Variants in FOXP2 observed in about 807,000 individuals in gnomAD.
FOXP2 encodes the protein forkhead box protein P2.
FOXP2 carries 12 observed loss-of-function variants against 115.8 expected under a neutral mutation model. The observed-to-expected ratio is 0.10, with a 90% CI of 0.07 to 0.17. The LOEUF is 0.17. FOXP2 is among the 10% of genes least tolerant of loss of function. The pLI is 1.00. For missense variants in FOXP2, 629 were observed against 843.5 expected, an observed-to-expected ratio of 0.75 and a Z score of 3.15; for synonymous variants, 328 against 297.7, an observed-to-expected ratio of 1.10 and a Z score of -1.05.
At chr7:114,086,601 C>A (rs1273326725), upstream of FOXP2, 1 of 407,262 alleles carries the variant, frequency 2.5e-6, no homozygotes. Context: ...CCCACGGCGT[C>A]CCCGGTCGCG....
chr7:114,597,726 A>G (rs1329889589), intron 3 of FOXP2, among the ~76,000 whole-genome samples: 1 of 152,160 alleles, frequency 6.6e-6, no homozygotes, highest in East Asian at 1.9e-4. Context: ...GTACAAAAGC[A>G]CCTTGTAGGT....
chr7:114,294,071 T>A (rs1010977138), intron 2 of FOXP2, among the ~76,000 whole-genome samples: 1 of 152,184 alleles, frequency 6.6e-6, no homozygotes, highest in Non-Finnish European at 1.5e-5. Flanking sequence ...CAGGCATATG[T>A]AATAGAAGAG....
intron 1 of FOXP2, among the ~76,000 whole-genome samples, chr7:114,203,401 C>T (rs896918910): frequency 1.3e-5 from 2 of 152,166 alleles, no homozygotes; most frequent in African/African-American, 2.4e-5. Flanking sequence ...GGTGCTATCT[C>T]AGCTCACTGC....
chr7:114,400,865 G>C (rs1792872495), intron 2 of FOXP2, among the ~76,000 whole-genome samples: 1 of 152,018 alleles, frequency 6.6e-6, no homozygotes, highest in Admixed American at 6.6e-5. Context: ...ACTGCAATGG[G>C]GTCTTGCAGT....
rs199815047 is a variant in FOXP2, at chr7:114,547,866, T to G, written c.258+13160T>G. Among the ~76,000 whole-genome samples the G allele has an allele frequency of 5.2e-4, 79 of 152,338 alleles. No homozygotes were observed. In the East Asian group the frequency reaches 6.7e-3, roughly 13 times the overall value. On this transcript the variant is annotated intron_variant, in intron 3 of 16. Transcript: ENST00000350908. ...TTATTGGTATATAATTTTTATGATTTAATTATATCTATTGCCTCAGCCACA... is the reference window on the plus strand; with the variant it reads ...TTATTGGTATATAATTTTTATGATTGAATTATATCTATTGCCTCAGCCACA...
chr7:114,489,775 C>T (rs1796949121), intron 2 of FOXP2, among the ~76,000 whole-genome samples: 1 of 152,078 alleles, frequency 6.6e-6, no homozygotes, highest in Non-Finnish European at 1.5e-5. Context: ...AATACCCCAA[C>T]AGACACTTTG....
upstream of FOXP2, among the ~76,000 whole-genome samples, chr7:114,412,980 G>A (rs550958970): frequency 6.6e-6 from 1 of 152,122 alleles, no homozygotes; most frequent in African/African-American, 2.4e-5. Flanking sequence ...GAATGTCAGA[G>A]GTATCAATTT....
chr7:114,675,674 G>A (rs1411773610), intron 16 of FOXP2, among the ~76,000 whole-genome samples: 3 of 152,088 alleles, frequency 2.0e-5, no homozygotes. Flanking sequence ...GAAGATTGTA[G>A]ATGGTTAAAA....
chr7:114,481,049 G>A (rs1458861461), intron 2 of FOXP2, among the ~76,000 whole-genome samples: 1 of 151,200 alleles, frequency 6.6e-6, no homozygotes, highest in East Asian at 1.9e-4. Flanking sequence ...AATCTCTTAT[G>A]TGTTGCTAGA....
intron 2 of FOXP2, among the ~76,000 whole-genome samples, chr7:114,373,720 G>A (rs560607352): frequency 3.3e-5 from 5 of 152,272 alleles, no homozygotes; most frequent in South Asian, 2.1e-4. Context: ...TGTAGATATC[G>A]TTTTCATGTC....
At chr7:114,380,858 C>T (rs1336516947) in intron 2 of FOXP2, among the ~76,000 whole-genome samples, 1 of 152,246 alleles carries the variant, frequency 6.6e-6, no homozygotes, top group Admixed American at 6.5e-5. Flanking sequence ...CATCTATTTT[C>T]TTACTCAGGT....
intron 8 of FOXP2, among the ~76,000 whole-genome samples, chr7:114,649,108 A>G (rs1381344748): frequency 6.6e-6 from 1 of 152,102 alleles, no homozygotes; most frequent in Non-Finnish European, 1.5e-5. Flanking sequence ...TAGTGATTGC[A>G]TGGGTAATTT....
chr7:114,367,778 C>T (rs1378522215), intron 2 of FOXP2, among the ~76,000 whole-genome samples: 2 of 152,088 alleles, frequency 1.3e-5, no homozygotes, highest in African/African-American at 2.4e-5. Flanking sequence ...AGTCTAAAGT[C>T]GTGGAACATC....
intron 1 of FOXP2, among the ~76,000 whole-genome samples, chr7:114,189,694 G>C (rs1204377300): frequency 6.6e-6 from 1 of 152,288 alleles, no homozygotes; most frequent in South Asian, 2.1e-4. Context: ...TTATTTGGGA[G>C]ACGTCACTGG....
intron 2 of FOXP2, among the ~76,000 whole-genome samples, chr7:114,524,819 A>C (rs181044151): frequency 1.7e-4 from 26 of 152,228 alleles, no homozygotes; most frequent in African/African-American, 5.5e-4. Flanking sequence ...TTCCTACCAT[A>C]CTAAAAGATT....
chr7:114,293,840 G>A (rs1562857945), intron 2 of FOXP2, among the ~76,000 whole-genome samples: 3 of 152,112 alleles, frequency 2.0e-5, no homozygotes, highest in Non-Finnish European at 4.4e-5. Flanking sequence ...AAATTACCCA[G>A]TTTGAGGTAT....
At chr7:114,253,951 T>C (rs1156448017) in intron 1 of FOXP2, among the ~76,000 whole-genome samples, 2 of 152,242 alleles carry the variant, frequency 1.3e-5, no homozygotes. Flanking sequence ...TTTCCATGTT[T>C]AGTGCTTCCT....
At chr7:114,678,321 A>C (rs1405523647) in intron 16 of FOXP2, among the ~76,000 whole-genome samples, 2 of 152,172 alleles carry the variant, frequency 1.3e-5, no homozygotes, top group Non-Finnish European at 2.9e-5. Context: ...GCCTCAGGAC[A>C]GGCAGCCTGC....
chr7:114,139,061 G>T (rs1420832851), intron 1 of FOXP2, among the ~76,000 whole-genome samples: 8 of 152,106 alleles, frequency 5.3e-5, no homozygotes, highest in African/African-American at 1.4e-4. Context: ...TACAACAGGG[G>T]TTACAGGGGG....
Sources: gnomAD v4.1 joint callset for allele counts (sites outside exome capture counted in the v4.1 genomes callset) on GRCh38, gnomAD v4.1.1 for gene constraint, MANE v1.5 for transcripts, NCBI Gene and HGNC (gene_info 2026-07-23, HGNC 2026-07-21) for gene names.